The following BACH2 variants were observed in gnomAD, a reference collection of about 807,000 sequenced individuals.
BACH2 encodes the protein BACH transcriptional regulator 2.
BACH2 carries 5 observed loss-of-function variants against 61.8 expected under a neutral mutation model. That is an observed-to-expected ratio of 0.08 (90% confidence interval 0.04 to 0.17). The LOEUF (loss-of-function observed/expected upper bound fraction) is 0.17, where lower values mean the gene tolerates loss of function less well. Among genes scored for constraint, BACH2 ranks in the 10% least tolerant of loss-of-function variants. The probability of loss-of-function intolerance (pLI) is 1.00; values close to 1 mark genes in which losing one functional copy is unlikely to be tolerated. For synonymous variants in BACH2, 446 were observed against 440.1 expected, an observed-to-expected ratio of 1.01 and a Z score of -0.17; for missense variants, 824 against 1,091.1, an observed-to-expected ratio of 0.76 and a Z score of 3.45.
At position 90,296,726 on chromosome 6, in the gene BACH2, G is replaced by A; in HGVS notation, c.-692C>T. On this transcript the variant is annotated 5_prime_UTR_variant, in exon 1 of 9. Coordinates refer to ENST00000257749, the MANE Select transcript of BACH2 (RefSeq NM_021813.4). ...GCGGCGGGAGTGGGCAGGCGGGGTG[G>A]CGAGGGCGGCGGCCGCTCACGTTAG... The A allele has an allele frequency of 6.5e-6, 1 of 154,492 alleles. No individual in the cohort carries two copies. The allele number at this position is 154,492 out of a possible 1,614,324, so 9.6% of individuals were successfully genotyped here.
intron 4 of BACH2, among the ~76,000 whole-genome samples, chr6:90,199,869 T>A (rs1289723482): frequency 6.6e-6 from 1 of 152,220 alleles, no homozygotes; most frequent in African/African-American, 2.4e-5. Flanking sequence ...GGGCACTCAC[T>A]GACCAGGACT....
chr6:90,000,646 A>T (rs1424334219), intron 6 of BACH2, among the ~76,000 whole-genome samples: 1 of 152,222 alleles, frequency 6.6e-6, no homozygotes. Context: ...TTGTACACTC[A>T]TATTGAAATT....
chr6:90,192,335 C>T (rs1768604510), intron 4 of BACH2, among the ~76,000 whole-genome samples: 1 of 150,474 alleles, frequency 6.6e-6, no homozygotes, highest in Non-Finnish European at 1.5e-5. Context: ...TAAACCTATT[C>T]AACAGGTAAA....
intron 4 of BACH2, among the ~76,000 whole-genome samples, chr6:90,166,514 A>T (rs1373329878): frequency 3.9e-5 from 6 of 152,232 alleles, no homozygotes; most frequent in Non-Finnish European, 7.3e-5. Flanking sequence ...TCAGGGATCC[A>T]GAACTAGAAA....
At chr6:90,078,991 G>C (rs997438423) in intron 5 of BACH2, among the ~76,000 whole-genome samples, 1 of 152,136 alleles carries the variant, frequency 6.6e-6, no homozygotes, top group South Asian at 2.1e-4. Context: ...GAAAGGCTCA[G>C]AACACTTGCA....
chr6:89,973,524 C>T (rs1775484678), intron 6 of BACH2, among the ~76,000 whole-genome samples: 1 of 152,226 alleles, frequency 6.6e-6, no homozygotes, highest in Non-Finnish European at 1.5e-5. Context: ...GATTCCGACC[C>T]TCCTGCCTCC....
intron 4 of BACH2, among the ~76,000 whole-genome samples, chr6:90,125,629 G>A (rs1669240482): frequency 6.6e-6 from 1 of 152,186 alleles, no homozygotes; most frequent in African/African-American, 2.4e-5. Context: ...AAAAAATGGG[G>A]GACGGGTCAG....
rs367594535 is a variant in BACH2, at chr6:90,176,876, T to C, written c.-162+29693A>G. ...TTCCCAGCTTAAAAACCTTTCAGGA[T>C]TGACCCATATCCACCCAGAGTAGCC... is the stretch of plus-strand genomic sequence containing the variant. On this transcript the variant is annotated intron_variant, in intron 4 of 8. Transcript: ENST00000257749. Among the ~76,000 whole-genome samples the C allele has an allele frequency of 1.8e-3, 271 of 152,260 alleles. 8 individuals are homozygous for C. In the South Asian group the frequency reaches 0.033, roughly 19 times the overall value.
rs142215306 is a variant in BACH2, at chr6:89,954,846, G to C, written c.244-2984C>G. On this transcript the variant is annotated intron_variant, in intron 6 of 8. Coordinates refer to ENST00000257749, the MANE Select transcript of BACH2 (RefSeq NM_021813.4). ...AAATGATCGTCATATGGTCATGAAA[G>C]AGTCATAGATAAAAAATCTGGTTTG... Among the ~76,000 whole-genome samples the C allele has an allele frequency of 1.9e-3, 292 of 152,282 alleles. 5 individuals carry two copies. The highest frequency in any genetic ancestry group is 6.8e-3 in the Middle Eastern group (2 of 294).
At chr6:90,262,597 C>A (rs1157671530) in intron 2 of BACH2, among the ~76,000 whole-genome samples, 4 of 152,182 alleles carry the variant, frequency 2.6e-5, no homozygotes, top group Non-Finnish European at 4.4e-5. Context: ...TTTGGCCTCA[C>A]AAAATTTGCC....
At position 89,982,321 on chromosome 6, in the gene BACH2, G is replaced by A. The variant is rs941194360; in HGVS notation, c.243+26281C>T. 2.6e-5 allele frequency among the ~76,000 whole-genome samples: 4 copies of A among 152,094 alleles called. No homozygotes were observed. The East Asian group carries it at 5.8e-4, about 22-fold the overall frequency. ...GCAAGTGGGAGGTGGTCTTGGGCAC[G>A]TGGGGGTGGGGTAGAGAGGTCACTA... On this transcript the variant is annotated intron_variant, in intron 6 of 8. Transcript: ENST00000257749.
intron 2 of BACH2, among the ~76,000 whole-genome samples, chr6:90,255,961 G>A (rs892657507): frequency 3.9e-5 from 6 of 152,140 alleles, no homozygotes; most frequent in East Asian, 1.9e-4. Context: ...AAAATGTACC[G>A]AAACACTGAA....
chr6:90,231,981 G>C (rs1316427387), intron 3 of BACH2, among the ~76,000 whole-genome samples: 2 of 152,030 alleles, frequency 1.3e-5, no homozygotes, highest in Admixed American at 6.5e-5. Context: ...CTGAGAGAGA[G>C]AGACAGAGAG....
In BACH2 at chr6:90,198,871, A is replaced by G. The variant is rs115427304; in HGVS notation, c.-162+7698T>C. Among the ~76,000 whole-genome samples the G allele has an allele frequency of 3.2e-3, 483 of 152,218 alleles. 1 individual carries two copies. The highest frequency in any genetic ancestry group is 0.011 in the African/African-American group (461 of 41,544). On this transcript the variant is annotated intron_variant, in intron 4 of 8. Transcript: ENST00000257749. Reference sequence around the variant, plus strand: ...CCACATATCATAGGAGGGACCTGGTAGGAGGTAATTGTTAACTGAATCATG... The same window carrying G: ...CCACATATCATAGGAGGGACCTGGTGGGAGGTAATTGTTAACTGAATCATG...
At chr6:90,275,058 A>G (rs1771648326) in intron 1 of BACH2, among the ~76,000 whole-genome samples, 1 of 152,220 alleles carries the variant, frequency 6.6e-6, no homozygotes, top group Admixed American at 6.5e-5. Context: ...GTGACCCCAC[A>G]TTGTCCTACA....
At chr6:90,254,516 A>G (rs1023822713) in intron 2 of BACH2, among the ~76,000 whole-genome samples, 2 of 152,090 alleles carry the variant, frequency 1.3e-5, no homozygotes, top group African/African-American at 4.8e-5. Flanking sequence ...GGCCACTTTT[A>G]AATTAATTGC....
intron 4 of BACH2, among the ~76,000 whole-genome samples, chr6:90,155,898 C>T (rs1231142144): frequency 6.6e-6 from 1 of 152,260 alleles, no homozygotes; most frequent in Middle Eastern, 3.4e-3. Flanking sequence ...TGCTGGCCGA[C>T]TAAAAAAAGT....
chr6:90,228,673 A>AG (rs1769995007), intron 3 of BACH2, among the ~76,000 whole-genome samples: 1 of 152,162 alleles, frequency 6.6e-6, no homozygotes, highest in Non-Finnish European at 1.5e-5. Context: ...CAGGAGGTGG[A>AG]GGGGGCAGTG....
intron 3 of BACH2, among the ~76,000 whole-genome samples, chr6:90,239,543 T>G (rs1352412247): frequency 2.6e-5 from 4 of 152,164 alleles, no homozygotes; most frequent in African/African-American, 9.7e-5. Flanking sequence ...TATAGGAGGA[T>G]TCTCTTTTCA....
Sources: gnomAD v4.1 joint callset for allele counts (sites outside exome capture counted in the v4.1 genomes callset) on GRCh38, gnomAD v4.1.1 for gene constraint, MANE v1.5 for transcripts, NCBI Gene and HGNC (gene_info 2026-07-23, HGNC 2026-07-21) for gene names.